The following RPGRIP1 variants were observed in gnomAD, a reference collection of about 807,000 sequenced individuals.
The protein encoded by RPGRIP1 is X-linked retinitis pigmentosa GTPase regulator-interacting protein 1.
RPGRIP1 carries 128 observed loss-of-function variants against 157.9 expected under a neutral mutation model. The ratio of observed to expected loss-of-function variants is 0.81; its 90% CI spans 0.70 to 0.94. RPGRIP1 has a LOEUF of 0.94. Among genes scored for constraint, RPGRIP1 ranks in the 40% least tolerant of loss-of-function variants. The pLI is 0.00. For synonymous variants in RPGRIP1, 554 were observed against 571.6 expected (o/e 0.97, Z 0.44); for missense variants, 1,486 against 1,545.8 (o/e 0.96, Z 0.65).
chr14:21,304,572 A>C (rs1482846101), intron 6 of RPGRIP1, among the ~76,000 whole-genome samples: 1 of 152,086 alleles, frequency 6.6e-6, no homozygotes, highest in African/African-American at 2.4e-5. Flanking sequence ...AATTCCTGGA[A>C]AACTTTTTTA....
intron 19 of RPGRIP1, among the ~76,000 whole-genome samples, chr14:21,330,013 G>T (rs1460775655): frequency 6.6e-6 from 1 of 151,390 alleles, no homozygotes; most frequent in Non-Finnish European, 1.5e-5. Context: ...AGCTACTCAG[G>T]AGGCTGAGGC....
Position 21,297,081 on chromosome 14 carries a change from T to TTTTTG in RPGRIP1, c.218+2297_218+2301dup, listed in dbSNP as rs567474280. Among the ~76,000 whole-genome samples the TTTTTG allele has an allele frequency of 5.5e-4, 84 of 152,136 alleles. 1 individual carries two copies. The South Asian group carries it at 7.7e-3, about 14-fold the overall frequency. On this transcript the variant is annotated intron_variant, in intron 3 of 24. Transcript: ENST00000400017. ...TAGTGCATAACAGAGGTGGAATCTC[T>TTTTTG]TTTTGTTTTGTTTTGTTTTGTTTTG... is the stretch of plus-strand genomic sequence containing the variant.
At chr14:21,287,198 G>A (rs1326007095) in intron 1 of RPGRIP1, among the ~76,000 whole-genome samples, 1 of 152,194 alleles carries the variant, frequency 6.6e-6, no homozygotes, top group Non-Finnish European at 1.5e-5. Flanking sequence ...AGGAGTCCAA[G>A]ACCAGTTTTG....
chr14:21,325,716 C>G, intron 16 of RPGRIP1, 115 bp from the exon 17 acceptor site: 1 of 794,308 alleles, frequency 1.3e-6, no homozygotes, highest in South Asian at 1.9e-5. Flanking sequence ...TCTTCCTGAT[C>G]CAGTTGGGAT....
chr14:21,321,433 G>A (rs865919105), intron 13 of RPGRIP1, 31 bp downstream of exon 13: 1 of 1,593,052 alleles, frequency 6.3e-7, no homozygotes, highest in Non-Finnish European at 8.5e-7. Context: ...GGAAGGGGAT[G>A]GATAACAGGA....
chr14:21,321,176 A>G, intron 12 of RPGRIP1, 83 bp from the exon 13 acceptor site: 3 of 1,408,492 alleles, frequency 2.1e-6, no homozygotes, highest in Non-Finnish European at 2.9e-6. Context: ...TTTTACTACT[A>G]CCAACAACTG....
At chr14:21,330,496 T>C (rs1033194613) in intron 20 of RPGRIP1, 109 bp downstream of exon 20, 7 of 760,276 alleles carry the variant, frequency 9.2e-6, no homozygotes, top group Admixed American at 4.5e-5. Flanking sequence ...ATGAAACCCG[T>C]CTCTACTAAA....
intron 1 of RPGRIP1, among the ~76,000 whole-genome samples, chr14:21,281,723 A>AATAATG: frequency 6.8e-6 from 1 of 146,754 alleles, no homozygotes; most frequent in East Asian, 2.0e-4. Flanking sequence ...TAATAATAAT[A>AATAATG]ATAATAATAA....
chr14:21,342,925 T>C, intron 21 of RPGRIP1, 111 bp from the exon 22 acceptor site: 1 of 743,052 alleles, frequency 1.3e-6, no homozygotes, highest in East Asian at 2.6e-5. Context: ...AGTAGATAGA[T>C]TATACCTATG....
At chr14:21,287,103 A>G (rs904538377) in intron 1 of RPGRIP1, among the ~76,000 whole-genome samples, 1 of 152,122 alleles carries the variant, frequency 6.6e-6, no homozygotes, top group Non-Finnish European at 1.5e-5. Flanking sequence ...AAGAGATGAA[A>G]AAAAGAGAAA....
At chr14:21,292,281 A>G (rs1880562336) in intron 2 of RPGRIP1, among the ~76,000 whole-genome samples, 1 of 151,872 alleles carries the variant, frequency 6.6e-6, no homozygotes, top group Admixed American at 6.6e-5. Context: ...TAGTTGACCT[A>G]GCAACATTAT....
intron 22 of RPGRIP1, among the ~76,000 whole-genome samples, chr14:21,343,852 C>T: frequency 1.5e-5 from 1 of 67,000 alleles, no homozygotes; most frequent in Admixed American, 1.6e-4. Flanking sequence ...GATTTTTGTT[C>T]TTCCTCTTTT....
Position 21,351,246 on chromosome 14 carries a change from C to T in RPGRIP1, c.*30C>T. On this transcript the variant is annotated 3_prime_UTR_variant, in exon 25 of 25. Coordinates refer to ENST00000400017, the MANE Select transcript of RPGRIP1 (RefSeq NM_020366.4). ...ACAAGTGCTATTCCAATCTAAAAGT[C>T]TCTGAGGGAACCATAGTAAAAAGTC... is the stretch of plus-strand genomic sequence containing the variant. The T allele has an allele frequency of 7.3e-7, 1 of 1,361,544 alleles. No individual in the cohort carries two copies. The allele number at this position is 1,361,544 out of a possible 1,614,324, so 84.3% of individuals were successfully genotyped here.
Position 21,324,950 on chromosome 14 carries a change from G to T in RPGRIP1, c.2095G>T (p.Ala699Ser), listed in dbSNP as rs771851462. 10 of 1,614,028 alleles carry T rather than the reference G, an allele frequency of 6.2e-6. No individual in the cohort carries two copies. The highest frequency in any genetic ancestry group is 8.5e-6 in the Non-Finnish European group (10 of 1,179,898). ...LFLHYLQEAS[A>S]RLDIHQAMAS... ...CTTACACTACCTTCAAGAGGCTTCA[G>T]CCCGGCTTGACATACACCAGGCCAT... Residue 699 changes from alanine to serine, a missense_variant, in exon 15 of 25, where the codon GCC becomes TCC. Coordinates refer to ENST00000400017, the MANE Select transcript of RPGRIP1 (RefSeq NM_020366.4).
At chr14:21,350,322 G>A (rs1886086997) in intron 24 of RPGRIP1, among the ~76,000 whole-genome samples, 1 of 149,246 alleles carries the variant, frequency 6.7e-6, no homozygotes, top group South Asian at 2.1e-4. Context: ...GTTGCAGTGA[G>A]CTGAGATCAA....
chr14:21,304,854 G>T (rs916672272), intron 6 of RPGRIP1, among the ~76,000 whole-genome samples: 27 of 151,518 alleles, frequency 1.8e-4, no homozygotes, highest in African/African-American at 5.1e-4. Context: ...CAGGCTGGAG[G>T]GCAGTGGCGT....
chr14:21,281,136 A>T (rs28497363), intron 1 of RPGRIP1, among the ~76,000 whole-genome samples: 25,856 of 150,820 alleles, frequency 0.17, 2,804 homozygotes, highest in South Asian at 0.26. Context: ...TCCTGCCTCA[A>T]CCTCCCGAGT....
chr14:21,308,442 G>A (rs936770481), intron 7 of RPGRIP1, among the ~76,000 whole-genome samples: 1 of 105,904 alleles, frequency 9.4e-6, no homozygotes, highest in Non-Finnish European at 2.0e-5. Flanking sequence ...GGGTAAGTAA[G>A]AAAAAACTGC....
At chr14:21,339,346 G>A (rs1030989530) in intron 21 of RPGRIP1, among the ~76,000 whole-genome samples, 3 of 151,800 alleles carry the variant, frequency 2.0e-5, no homozygotes, top group Non-Finnish European at 4.4e-5. Flanking sequence ...CTCGAAAGGC[G>A]GAGAAAGGAG....
Sources: gnomAD v4.1 joint callset for allele counts (sites outside exome capture counted in the v4.1 genomes callset) on GRCh38, gnomAD v4.1.1 for gene constraint, MANE v1.5 for transcripts, NCBI Gene and HGNC (gene_info 2026-07-23, HGNC 2026-07-21) for gene names.